Variants in LMBR1 observed in about 807,000 individuals in gnomAD.
The protein encoded by LMBR1 is limb region 1 protein homolog.
Under a neutral mutation model 73.9 loss-of-function variants are expected in LMBR1, and 52 were observed. That is an observed-to-expected ratio of 0.70 (90% confidence interval 0.56 to 0.89). The LOEUF (loss-of-function observed/expected upper bound fraction) is 0.89. LMBR1 is among the 40% of genes least tolerant of loss of function. LMBR1 has a pLI of 0.00. For missense variants in LMBR1, 539 were observed against 579.8 expected, an observed-to-expected ratio of 0.93 and a Z score of 0.72; for synonymous variants, 215 against 209.4, an observed-to-expected ratio of 1.03 and a Z score of -0.23.
rs1200205369 is a variant in LMBR1 at position 156,795,939 on chromosome 7, T to C, written c.423+450A>G. On this transcript the variant is annotated intron_variant, in intron 5 of 16. Transcript: ENST00000353442. ...AAAAGCCAGTTTTCTTAATGTCAGG[T>C]TTGACTGCCAGAGTCATTCATTCTG... Among the ~76,000 whole-genome samples the C allele has an allele frequency of 6.6e-6, 1 of 152,200 alleles. No individual in the cohort carries two copies. Among genetic ancestry groups the C allele is most frequent in the Non-Finnish European group, 1.5e-5 (1 of 68,028 alleles).
intron 1 of LMBR1, among the ~76,000 whole-genome samples, chr7:156,842,285 G>A (rs192975226): frequency 1.4e-5 from 2 of 144,174 alleles, no homozygotes; most frequent in East Asian, 4.1e-4. Context: ...ACTGAGGCCC[G>A]AACAAAGAGT....
chr7:156,727,722 G>GAAA (rs760262814), intron 12 of LMBR1, among the ~76,000 whole-genome samples: 68 of 152,028 alleles, frequency 4.5e-4, no homozygotes, highest in Non-Finnish European at 7.8e-4. Context: ...TCCAACACTT[G>GAAA]AAAAAAGGCC....
chr7:156,763,293 CTA>C, intron 6 of LMBR1, 117 bp from the exon 7 acceptor site: 1 of 493,562 alleles, frequency 2.0e-6, no homozygotes, highest in Non-Finnish European at 3.5e-6. Flanking sequence ...TTGTAATTGC[CTA>C]TTTTAGTTTA....
At chr7:156,734,018 C>G (rs1817377802) in intron 10 of LMBR1, 159 bp downstream of exon 10, 1 of 473,552 alleles carries the variant, frequency 2.1e-6, no homozygotes, top group African/African-American at 2.0e-5. Context: ...TAAACTTATC[C>G]TCTCCCCAAA....
rs1343950098 is a variant in LMBR1 at position 156,680,403 on chromosome 7, A to AGAGAGAGAGAGAGAGAGAGTGTGTGT, written c.*3674_*3675insACACACACTCTCTCTCTCTCTCTCTC. 8.0e-6 allele frequency: 1 copy of AGAGAGAGAGAGAGAGAGAGTGTGTGT among 125,068 alleles called. No homozygotes were observed. The highest frequency in any genetic ancestry group is 1.7e-5 in the Non-Finnish European group (1 of 58,240). The allele number at this position is 125,068 out of a possible 1,614,324, so 7.7% of individuals were successfully genotyped here. A position where few individuals can be genotyped will look rare whatever the true frequency, so the allele number is the denominator to read the frequency against. On this transcript the variant is annotated 3_prime_UTR_variant, in exon 17 of 17. Transcript: ENST00000353442. ...GAGAGAGAGAGAGAGAGAGAGAGAG[A>AGAGAGAGAGAGAGAGAGAGTGTGTGT]GTGTGTGTGTGTGTGTGTGTGTAAT...
chr7:156,891,919 A>G (rs981030073), intron 1 of LMBR1, among the ~76,000 whole-genome samples: 5 of 152,260 alleles, frequency 3.3e-5, no homozygotes, highest in Admixed American at 6.5e-5. Flanking sequence ...CACAAATTAG[A>G]TAATTCTAAA....
chr7:156,843,632 G>C (rs1182101297), intron 1 of LMBR1, among the ~76,000 whole-genome samples: 4 of 152,054 alleles, frequency 2.6e-5, no homozygotes, highest in Non-Finnish European at 4.4e-5. Context: ...GATCACTTGA[G>C]GTCAGGAGTT....
intron 1 of LMBR1, among the ~76,000 whole-genome samples, chr7:156,867,729 T>C (rs1331858242): frequency 2.0e-5 from 3 of 152,150 alleles, no homozygotes; most frequent in African/African-American, 2.4e-5. Context: ...TAGGCAAATC[T>C]AGGCAAAGTA....
intron 5 of LMBR1, among the ~76,000 whole-genome samples, chr7:156,788,657 T>C (rs577962552): frequency 1.3e-5 from 2 of 152,246 alleles, no homozygotes; most frequent in African/African-American, 4.8e-5. Context: ...TATATAATAT[T>C]GATTTTTATT....
At chr7:156,814,462 C>A (rs1206563166) in intron 4 of LMBR1, among the ~76,000 whole-genome samples, 7 of 152,112 alleles carry the variant, frequency 4.6e-5, no homozygotes, top group Non-Finnish European at 5.9e-5. Context: ...TAGGTGTGTA[C>A]ATGTACAAGC....
intron 10 of LMBR1, chr7:156,733,805 C>T (rs59333301): frequency 0.073 from 11,352 of 156,206 alleles, 587 homozygotes; most frequent in East Asian, 0.15. Context: ...TACTCTGAGG[C>T]GTATCACAAT....
chr7:156,706,268 C>T (rs545439407), intron 15 of LMBR1, among the ~76,000 whole-genome samples: 8 of 151,638 alleles, frequency 5.3e-5, no homozygotes, highest in African/African-American at 1.7e-4. Flanking sequence ...CACCAAGATT[C>T]ATAAAACAAA....
At chr7:156,771,052 AAAAT>A (rs1206740213) in intron 5 of LMBR1, among the ~76,000 whole-genome samples, 1 of 152,186 alleles carries the variant, frequency 6.6e-6, no homozygotes, top group East Asian at 1.9e-4. Flanking sequence ...AAAAATCAAC[AAAAT>A]AAAGTAGCAA....
At chr7:156,763,893 G>T in intron 5 of LMBR1, 98 bp from the exon 6 acceptor site, 1 of 911,232 alleles carries the variant, frequency 1.1e-6, no homozygotes, top group Non-Finnish European at 1.5e-6. Context: ...TCCCTTGGAA[G>T]GAGAGGAAAT....
At chr7:156,800,482 C>CAAAAAAAAAAAAAAAAAAAAAA (rs1245017996) in intron 4 of LMBR1, among the ~76,000 whole-genome samples, 6 of 81,028 alleles carry the variant, frequency 7.4e-5, no homozygotes, top group African/African-American at 9.7e-5. Context: ...ACTTGCTACT[C>CAAAAAAAAAAAAAAAAAAAAAA]AAAAAAAAAA....
chr7:156,867,307 T>C (rs1798606232), intron 1 of LMBR1, among the ~76,000 whole-genome samples: 1 of 152,196 alleles, frequency 6.6e-6, no homozygotes, highest in African/African-American at 2.4e-5. Flanking sequence ...TCTCAAACAT[T>C]GGTGGTAGAA....
chr7:156,871,347 T>C (rs1255534303), intron 1 of LMBR1, among the ~76,000 whole-genome samples: 1 of 152,218 alleles, frequency 6.6e-6, no homozygotes, highest in African/African-American at 2.4e-5. Context: ...GTTTCATTGA[T>C]GAATGCTACC....
At chr7:156,857,449 C>A (rs752431262) in intron 1 of LMBR1, among the ~76,000 whole-genome samples, 1 of 152,100 alleles carries the variant, frequency 6.6e-6, no homozygotes. Context: ...TGTCAAAATA[C>A]GTGAGGTGAA....
At position 156,680,017 on chromosome 7, in the gene LMBR1, T is replaced by C. The variant is rs189939621; in HGVS notation, c.*4061A>G. On this transcript the variant is annotated 3_prime_UTR_variant, in exon 17 of 17. Coordinates refer to ENST00000353442, the MANE Select transcript of LMBR1 (RefSeq NM_022458.4). ...AATCACCAAGTTTTGAAATTTTGTATATATTTGTGAGTTTTAGGAACTTCT... is the reference window on the plus strand; with the variant it reads ...AATCACCAAGTTTTGAAATTTTGTACATATTTGTGAGTTTTAGGAACTTCT... 6.6e-6 allele frequency: 1 copy of C among 152,222 alleles called. No homozygotes were observed. Among genetic ancestry groups the C allele is most frequent in the African/African-American group, 2.4e-5 (1 of 41,446 alleles). The allele number at this position is 152,222 out of a possible 1,614,324, so 9.4% of individuals were successfully genotyped here.
Sources: gnomAD v4.1 joint callset for allele counts (sites outside exome capture counted in the v4.1 genomes callset) on GRCh38, gnomAD v4.1.1 for gene constraint, MANE v1.5 for transcripts, NCBI Gene and HGNC (gene_info 2026-07-23, HGNC 2026-07-21) for gene names.